Variants in SYNE2 observed in about 807,000 individuals in gnomAD.
The protein encoded by SYNE2 is nesprin-2.
A neutral mutation model predicts 856.3 loss-of-function variants in SYNE2; 431 were observed. The observed-to-expected ratio is 0.50, with a 90% confidence interval of 0.47 to 0.55. The LOEUF (loss-of-function observed/expected upper bound fraction) is 0.55. SYNE2 is among the 20% of genes least tolerant of loss of function. SYNE2 has a pLI of 0.00. For synonymous variants in SYNE2, 2,923 were observed against 2,872.3 expected (o/e 1.02, Z -0.56); for missense variants, 8,129 against 8,023.2 (o/e 1.01, Z -0.50).
chr14:63,781,843 T>C (rs1595104470), intron 1 of SYNE2, among the ~76,000 whole-genome samples: 1 of 152,002 alleles, frequency 6.6e-6, no homozygotes, highest in African/African-American at 2.4e-5. Flanking sequence ...CTGTGTCAAA[T>C]TGGAAAAGTG....
At chr14:64,215,447 C>A (rs1450135740) in intron 107 of SYNE2, 93 bp downstream of exon 107, 8 of 1,223,208 alleles carry the variant, frequency 6.5e-6, no homozygotes, top group African/African-American at 3.0e-5. Context: ...CTACCTCTGC[C>A]TTCTGTGGAC....
At chr14:64,209,735 C>T in intron 102 of SYNE2, 157 bp downstream of exon 102, 2 of 1,200,722 alleles carry the variant, frequency 1.7e-6, no homozygotes, top group Admixed American at 2.0e-5. Flanking sequence ...GACAGCTTTG[C>T]AAGACATTGC....
chr14:63,878,191 A>G (rs188952790), intron 1 of SYNE2, among the ~76,000 whole-genome samples: 33 of 152,142 alleles, frequency 2.2e-4, no homozygotes, highest in African/African-American at 7.9e-4. Flanking sequence ...CCAGCCTAAC[A>G]TGGTGTTCTT....
chr14:64,197,804 T>TTTTG (rs767720471), intron 99 of SYNE2, among the ~76,000 whole-genome samples: 19 of 152,188 alleles, frequency 1.2e-4, no homozygotes, highest in Non-Finnish European at 1.0e-4. Context: ...CCTGACTTGA[T>TTTTG]TTTGTTTGTT....
At position 64,188,681 on chromosome 14, in the gene SYNE2, T is replaced by C; in HGVS notation, c.17844T>C (p.Ile5948=). 1 of 1,614,078 alleles carries C rather than the reference T, an allele frequency of 6.2e-7. No homozygotes were observed. Among genetic ancestry groups the C allele is most frequent in the South Asian group, 1.1e-5 (1 of 91,078 alleles). The change falls in exon 98 of 116, where the codon ATT becomes ATC. Residue 5948 remains isoleucine (I), a synonymous_variant. Coordinates refer to ENST00000555002, the MANE Select transcript of SYNE2 (RefSeq NM_182914.3). ...TTCTACAGACAGCGGACATTAGTAT[T>C]GAAGAAATGATTGAAAAGTTACAGA... The part of the protein sequence containing the change: ...NKVLQTADIS[I]EEMIEKLQKD...
At chr14:64,219,106 T>TTTG in intron 109 of SYNE2, 102 bp from the exon 110 acceptor site, 1 of 478,346 alleles carries the variant, frequency 2.1e-6, no homozygotes. Context: ...GTTTTTTTGT[T>TTTG]TTTTTTTTTT....
At chr14:64,087,283 A>T (rs2097570858) in intron 57 of SYNE2, 2 of 374,090 alleles carry the variant, frequency 5.3e-6, no homozygotes, top group Non-Finnish European at 1.0e-5. Context: ...GAATTACCTG[A>T]AGAGTACATT....
At chr14:63,845,865 T>C (rs1195244446) in intron 1 of SYNE2, among the ~76,000 whole-genome samples, 7 of 151,090 alleles carry the variant, frequency 4.6e-5, no homozygotes, top group Non-Finnish European at 8.9e-5. Context: ...CTCAGCCTCC[T>C]GAGAAGTTGG....
At position 64,056,011 on chromosome 14, in the gene SYNE2, G is replaced by A. The variant is rs756481940; in HGVS notation, c.9812G>A (p.Ser3271Asn). ...YKEAVTRAVE[S>N]ITSLEAIIIP... is the part of the protein sequence containing the mutation. ...GAAGCAGTCACCAGGGCAGTGGAGA[G>A]CATCACTTCCCTCGAAGCCATCATT... The change falls in exon 49 of 116, where the codon AGC becomes AAC. Residue 3271 changes from serine (S) to asparagine (N), a missense_variant. By Grantham distance (46) the Ser-to-Asn change is conservative. Coordinates refer to ENST00000555002, the MANE Select transcript of SYNE2 (RefSeq NM_182914.3). 2.5e-6 allele frequency: 4 copies of A among 1,614,028 alleles called. No homozygotes were observed. Among genetic ancestry groups the A allele is most frequent in the South Asian group, 1.1e-5 (1 of 91,076 alleles).
chr14:63,976,829 T>C (rs2096547117), intron 12 of SYNE2, 102 bp downstream of exon 12: 1 of 1,304,268 alleles, frequency 7.7e-7, no homozygotes, highest in Admixed American at 1.8e-5. Flanking sequence ...TAATAGTGGA[T>C]ATTTGAGGAT....
In SYNE2 at chr14:63,978,952, G is replaced by C; in HGVS notation, c.1507G>C (p.Asp503His). The change falls in exon 14 of 116, where the codon GAT (aspartate) becomes CAT (histidine). Residue 503 changes from aspartate (D) to histidine (H), a missense_variant. By Grantham distance (81) the Asp-to-His change is moderately conservative (BLOSUM62 -1). Around this residue, in one of 3 missense-constraint regions of SYNE2, gnomAD observed 2,422 missense variants for 2,357.4 expected, o/e 1.03. Transcript: ENST00000555002. ...GGTAGATGAAGTGAAATCAAAATTGGATATTTGGAACATTAAATATGGGAG... is the reference window on the plus strand; with the variant it reads ...GGTAGATGAAGTGAAATCAAAATTGCATATTTGGAACATTAAATATGGGAG... ...GLVDEVKSKL[D>H]IWNIKYGSRE... 1.9e-6 allele frequency: 3 copies of C among 1,613,516 alleles called. No individual in the cohort carries two copies. Among genetic ancestry groups the C allele is most frequent in the Non-Finnish European group, 2.5e-6 (3 of 1,179,608 alleles).
rs1185466773 is a variant in SYNE2 at position 64,102,053 on chromosome 14, G to T, written c.12492+11G>T. ...GGAACAATTGTTCAGGTAATGCTGG[G>T]CGTATCAGCCACGCTTAGGGGTTAC... On this transcript the variant is annotated intron_variant, in intron 64 of 115. Transcript: ENST00000555002. 6.3e-7 allele frequency: 1 copy of T among 1,595,594 alleles called. No homozygotes were observed. Among genetic ancestry groups the T allele is most frequent in the Non-Finnish European group, 8.6e-7 (1 of 1,163,188 alleles).
intron 7 of SYNE2, among the ~76,000 whole-genome samples, chr14:63,954,518 G>A (rs1485734938): frequency 6.6e-6 from 1 of 152,156 alleles, no homozygotes; most frequent in African/African-American, 2.4e-5. Flanking sequence ...AACAAATTTT[G>A]AGAATCAGTG....
rs754544759 is a variant in SYNE2 at position 64,021,325 on chromosome 14, CCT to C, written c.5165_5166del (p.Ser1722TyrfsTer27). On this transcript the variant is annotated frameshift_variant, in exon 36 of 116. Coordinates refer to ENST00000555002, the MANE Select transcript of SYNE2 (RefSeq NM_182914.3). LOFTEE classifies it high-confidence loss of function. ...ATTTCATGATTTCAGGTCATGGAGT[CCT>C]CTATTTTGAACAAGATGGAACATGT... 2 of 1,613,622 alleles carry C rather than the reference CCT, an allele frequency of 1.2e-6. No homozygotes were observed. Among genetic ancestry groups the C allele is most frequent in the Non-Finnish European group, 1.7e-6 (2 of 1,179,588 alleles).
chr14:64,191,910 G>A (rs191739876), intron 99 of SYNE2, among the ~76,000 whole-genome samples: 1 of 152,348 alleles, frequency 6.6e-6, no homozygotes, highest in Admixed American at 6.5e-5. Context: ...CTAGGCCTCA[G>A]TTGCTAAATC....
chr14:64,066,240 A>G (rs2097357553), intron 51 of SYNE2, among the ~76,000 whole-genome samples: 1 of 152,152 alleles, frequency 6.6e-6, no homozygotes, highest in Non-Finnish European at 1.5e-5. Context: ...TGGTTCACCT[A>G]TGTAATCCCA....
In SYNE2 at chr14:63,996,930, T is replaced by C. The variant is rs755067046; in HGVS notation, c.2941-17T>C. On this transcript the variant is annotated splice_polypyrimidine_tract_variant and intron_variant, in intron 23 of 115. Transcript: ENST00000555002. ...AACTCACCAGAAGCACATTTCCTGCTTTATTTCTTCAATTAGGCCTGCTTT... is the reference window on the plus strand; with the variant it reads ...AACTCACCAGAAGCACATTTCCTGCCTTATTTCTTCAATTAGGCCTGCTTT... 1 of 1,612,750 alleles carries C rather than the reference T, an allele frequency of 6.2e-7. No individual in the cohort carries two copies. Among genetic ancestry groups the C allele is most frequent in the South Asian group, 1.1e-5 (1 of 90,964 alleles).
chr14:63,806,756 T>A (rs751041900), intron 1 of SYNE2, among the ~76,000 whole-genome samples: 1 of 152,106 alleles, frequency 6.6e-6, no homozygotes, highest in Non-Finnish European at 1.5e-5. Context: ...CTTTTGTTTT[T>A]CGTAGGGTAA....
chr14:64,206,724 C>T (rs2098607057), intron 100 of SYNE2, among the ~76,000 whole-genome samples: 1 of 152,076 alleles, frequency 6.6e-6, no homozygotes, highest in Non-Finnish European at 1.5e-5. Flanking sequence ...TATTAAAATA[C>T]AGAGCATTCA....
Sources: gnomAD v4.1 joint callset for allele counts (sites outside exome capture counted in the v4.1 genomes callset) on GRCh38, gnomAD v4.1.1 for gene constraint, gnomAD v4.1.1 regional missense constraint, MANE v1.5 for transcripts, NCBI Gene and HGNC (gene_info 2026-07-23, HGNC 2026-07-21) for gene names.